Variants in NTN1 observed in about 807,000 individuals in gnomAD.
NTN1 encodes the protein netrin 1.
In NTN1, 11 loss-of-function variants were observed where a neutral mutation model predicts 54.2. The observed-to-expected ratio is 0.20, with a 90% CI of 0.13 to 0.34. The LOEUF (loss-of-function observed/expected upper bound fraction) is 0.34, where lower values mean the gene tolerates loss of function less well. NTN1 is among the 10% of genes least tolerant of loss of function. The probability of loss-of-function intolerance (pLI) is 1.00; values close to 1 mark genes in which losing one functional copy is unlikely to be tolerated. For missense variants in NTN1, 740 were observed against 893.1 expected (o/e 0.83, Z 2.18); for synonymous variants, 371 against 382.0 (o/e 0.97, Z 0.33).
intron 5 of NTN1, chr17:9,183,282 G>A: frequency 3.3e-6 from 2 of 600,652 alleles, no homozygotes; most frequent in Non-Finnish European, 6.4e-6. Flanking sequence ...AGGCTGAGGG[G>A]TTGTCACTCC....
Position 9,038,516 on chromosome 17 carries a change from G to A in NTN1, c.1018+15125G>A, listed in dbSNP as rs146888806. On this transcript the variant is annotated intron_variant, in intron 2 of 6. Coordinates refer to ENST00000173229, the MANE Select transcript of NTN1 (RefSeq NM_004822.3). ...TAAATATTTGATAAAGAAAGCAGGG[G>A]TCCCATTTGCAACTCCTGGGCTTGC... Among the ~76,000 whole-genome samples the A allele has an allele frequency of 1.3e-4, 20 of 152,186 alleles. No homozygotes were observed. The East Asian group carries it at 3.5e-3, about 26-fold the overall frequency.
intron 2 of NTN1, among the ~76,000 whole-genome samples, chr17:9,129,002 G>A (rs899277655): frequency 2.0e-5 from 3 of 152,100 alleles, no homozygotes; most frequent in Admixed American, 6.5e-5. Flanking sequence ...CTGGGCCTGC[G>A]TTTCTTTGCT....
At chr17:9,100,004 G>A (rs1190764089) in intron 2 of NTN1, among the ~76,000 whole-genome samples, 2 of 152,020 alleles carry the variant, frequency 1.3e-5, no homozygotes, top group East Asian at 3.9e-4. Context: ...ATAGAGACAA[G>A]GTCTCACTTG....
intron 3 of NTN1, among the ~76,000 whole-genome samples, chr17:9,168,312 T>C (rs1333531024): frequency 2.0e-5 from 3 of 152,150 alleles, no homozygotes; most frequent in South Asian, 2.1e-4. Context: ...GCGGGCGGAT[T>C]ACCTGAGGTC....
At chr17:9,151,463 G>C (rs760730093) in intron 2 of NTN1, among the ~76,000 whole-genome samples, 1 of 152,164 alleles carries the variant, frequency 6.6e-6, no homozygotes, top group Non-Finnish European at 1.5e-5. Flanking sequence ...TCCGGGCACT[G>C]AGGTTCCAAA....
chr17:9,106,518 TTCCTTCC>T (rs2092167401), intron 2 of NTN1, among the ~76,000 whole-genome samples: 3 of 72,196 alleles, frequency 4.2e-5, no homozygotes, highest in African/African-American at 1.4e-4. Flanking sequence ...CCTTCCTTCC[TTCCTTCC>T]TTCCTTTCGA....
chr17:9,230,378 G>A (rs549825392), intron 6 of NTN1, among the ~76,000 whole-genome samples: 35 of 152,166 alleles, frequency 2.3e-4, no homozygotes, highest in African/African-American at 7.9e-4. Context: ...ATGGTGTTTC[G>A]GAGACTTGCT....
chr17:9,056,978 C>T (rs1224005312), intron 2 of NTN1, among the ~76,000 whole-genome samples: 2 of 152,084 alleles, frequency 1.3e-5, no homozygotes, highest in South Asian at 2.1e-4. Context: ...AACAGAGGCC[C>T]CCCTGTGATG....
intron 6 of NTN1, among the ~76,000 whole-genome samples, chr17:9,237,456 G>A (rs1007832215): frequency 1.6e-4 from 25 of 152,186 alleles, no homozygotes; most frequent in African/African-American, 5.3e-4. Context: ...AAGTCCAGGG[G>A]GTTAAGGTGT....
intron 6 of NTN1, among the ~76,000 whole-genome samples, chr17:9,231,738 C>T (rs1905823238): frequency 8.1e-6 from 1 of 123,138 alleles, no homozygotes; most frequent in African/African-American, 2.5e-5. Context: ...TATACATCTG[C>T]AGGCCTGGTG....
rs1018577664 is a variant in NTN1, at chr17:9,219,358, G to T, written c.1412-1810G>T. On this transcript the variant is annotated intron_variant, in intron 5 of 6. Coordinates refer to ENST00000173229, the MANE Select transcript of NTN1 (RefSeq NM_004822.3). This position sits in a 1 kb window ranked among gnomAD's most constrained non-coding sequence, Gnocchi z 4.5. ...CTATCCAGATGGCAGGAGGGATGGG[G>T]ACTGTGGCCACCAGTGCCATGGAGC... 1.3e-5 allele frequency among the ~76,000 whole-genome samples: 2 copies of T among 152,212 alleles called. No homozygotes were observed. Among genetic ancestry groups the T allele is most frequent in the Non-Finnish European group, 2.9e-5 (2 of 68,034 alleles).
intron 5 of NTN1, among the ~76,000 whole-genome samples, chr17:9,196,594 C>T (rs1904640569): frequency 1.3e-5 from 2 of 152,232 alleles, no homozygotes; most frequent in Admixed American, 6.5e-5. Context: ...TCTTTGCCAT[C>T]CAGGGCAGGG....
chr17:9,086,212 T>C (rs948094131), intron 2 of NTN1, among the ~76,000 whole-genome samples: 2 of 152,040 alleles, frequency 1.3e-5, no homozygotes, highest in African/African-American at 4.8e-5. Context: ...AAATAAAAAC[T>C]AACAAATAAG....
At chr17:9,158,392 A>T (rs1278777203) in intron 2 of NTN1, among the ~76,000 whole-genome samples, 1 of 152,136 alleles carries the variant, frequency 6.6e-6, no homozygotes, top group Non-Finnish European at 1.5e-5. Context: ...TCCAAGAAGG[A>T]CAGGATGATG....
At position 9,048,898 on chromosome 17, in the gene NTN1, C is replaced by T. The variant is rs561179220; in HGVS notation, c.1018+25507C>T. Among the ~76,000 whole-genome samples, 9 of 152,310 alleles carry T rather than the reference C, an allele frequency of 5.9e-5. No individual in the cohort carries two copies. In the South Asian group the frequency reaches 1.9e-3, roughly 32 times the overall value. ...CTCAAACTCCTGACCTCAGGTGATC[C>T]ATCTGCCTTGGCCTCCCAAAGTGTT... is the stretch of plus-strand genomic sequence containing the variant. On this transcript the variant is annotated intron_variant, in intron 2 of 6. Transcript: ENST00000173229.
chr17:9,087,538 T>C (rs1005644902), intron 2 of NTN1, among the ~76,000 whole-genome samples: 1 of 152,038 alleles, frequency 6.6e-6, no homozygotes, highest in African/African-American at 2.4e-5. Flanking sequence ...CAGTGGGCAG[T>C]GGAGCTGAGA....
At chr17:9,038,189 C>T (rs1336195015) in intron 2 of NTN1, among the ~76,000 whole-genome samples, 2 of 148,820 alleles carry the variant, frequency 1.3e-5, no homozygotes, top group East Asian at 2.0e-4. Flanking sequence ...CAAACAGCTC[C>T]CCTATTTGTG....
upstream of NTN1, among the ~76,000 whole-genome samples, chr17:9,017,343 A>G (rs890166685): frequency 6.6e-6 from 1 of 151,192 alleles, no homozygotes; most frequent in African/African-American, 2.4e-5. Context: ...TGTCCCTACC[A>G]CTCCCTGCAA....
intron 2 of NTN1, among the ~76,000 whole-genome samples, chr17:9,096,226 A>G (rs2092131487): frequency 6.6e-6 from 1 of 152,046 alleles, no homozygotes; most frequent in South Asian, 2.1e-4. Context: ...TGTTTGTAGC[A>G]TGGTGAATGG....
Sources: gnomAD v4.1 joint callset for allele counts (sites outside exome capture counted in the v4.1 genomes callset) on GRCh38, gnomAD v4.1.1 for gene constraint, Gnocchi (gnomAD v3.1) non-coding constraint, MANE v1.5 for transcripts, NCBI Gene and HGNC (gene_info 2026-07-23, HGNC 2026-07-21) for gene names.